The following COL11A2 variants were observed in gnomAD, a reference collection of about 807,000 sequenced individuals.
The protein encoded by COL11A2 is collagen type XI alpha 2 chain.
Under a neutral mutation model 273.4 loss-of-function variants are expected in COL11A2, and 116 were observed. That is an observed-to-expected ratio of 0.42 (90% confidence interval 0.36 to 0.49). The LOEUF (loss-of-function observed/expected upper bound fraction) is 0.49, where lower values mean the gene tolerates loss of function less well. COL11A2 is among the 20% of genes least tolerant of loss of function. COL11A2 has a pLI of 0.00. For synonymous variants in COL11A2, 782 were observed against 864.2 expected, an observed-to-expected ratio of 0.90 and a Z score of 1.67; for missense variants, 1,866 against 2,309.0, an observed-to-expected ratio of 0.81 and a Z score of 3.93.
rs144041807 is a variant in COL11A2 at position 33,185,700 on chromosome 6, C to A, written c.876+1G>T. On this transcript the variant is annotated splice_donor_variant, in intron 6 of 65. Coordinates refer to ENST00000341947, the MANE Select transcript of COL11A2 (RefSeq NM_080680.3). LOFTEE classifies it high-confidence loss of function. ...GAAATGAAGGGGTCCCTTGAGTTTA[C>A]CTGATAATCAGGGGTTGTCCCCGTA... 7.4e-7 allele frequency: 1 copy of A among 1,351,344 alleles called. No individual in the cohort carries two copies. The highest frequency in any genetic ancestry group is 1.5e-5 in the African/African-American group (1 of 67,138). The allele number at this position is 1,351,344 out of a possible 1,614,324, so 83.7% of individuals were successfully genotyped here. A position where few individuals can be genotyped will look rare whatever the true frequency, so the allele number is the denominator to read the frequency against.
Position 33,174,520 on chromosome 6 carries a change from G to T in COL11A2, c.2430+7C>A. The T allele has an allele frequency of 6.2e-7, 1 of 1,612,474 alleles. No homozygotes were observed. The highest frequency in any genetic ancestry group is 1.1e-5 in the South Asian group (1 of 90,856). ...GGAGGAGGGGCACGTATGGGGCATG[G>T]CATCACCTTGGGTCCCTGACGTCCA... On this transcript the variant is annotated splice_region_variant and intron_variant, in intron 31 of 65. Coordinates refer to ENST00000341947, the MANE Select transcript of COL11A2 (RefSeq NM_080680.3).
rs778416902 is a variant in COL11A2, at chr6:33,170,150, T to C, written c.3583-50A>G. On this transcript the variant is annotated intron_variant, in intron 48 of 65. Transcript: ENST00000341947. This position sits in a 1 kb window ranked among gnomAD's most constrained non-coding sequence, Gnocchi z 4.3. ...TCATTGCTTAGGATGGAGGTGCCATTTCAGGGGCAAAGTCCCAGATGAGCA... is the reference window on the plus strand; with the variant it reads ...TCATTGCTTAGGATGGAGGTGCCATCTCAGGGGCAAAGTCCCAGATGAGCA... 2 of 1,611,808 alleles carry C rather than the reference T, an allele frequency of 1.2e-6. No individual in the cohort carries two copies. The highest frequency in any genetic ancestry group is 1.1e-5 in the South Asian group (1 of 91,050).
At position 33,173,013 on chromosome 6, in the gene COL11A2, A is replaced by G. The variant is rs758720229; in HGVS notation, c.2790+47T>C. ...TGACCGAGAGAAGAGGGGCAGACAG[A>G]CTAATGCTAGGGTCAGGGGTCCATT... On this transcript the variant is annotated intron_variant, in intron 38 of 65. Transcript: ENST00000341947. The surrounding 1 kb of genome is among the most constrained non-coding windows in gnomAD (Gnocchi z 6.3). 3.1e-6 allele frequency: 5 copies of G among 1,588,880 alleles called. No individual in the cohort carries two copies.
intron 30 of COL11A2, chr6:33,175,358 C>A (rs1451034075): frequency 2.9e-6 from 2 of 685,898 alleles, no homozygotes; most frequent in African/African-American, 1.8e-5. Context: ...GCTTCGTCTC[C>A]GTCCAACTCT....
Position 33,165,795 on chromosome 6 carries a change from G to T in COL11A2, c.4504C>A (p.Gln1502Lys). 1 of 1,613,500 alleles carries T rather than the reference G, an allele frequency of 6.2e-7. No homozygotes were observed. The change falls in exon 63 of 66, where the codon CAG becomes AAG. Residue 1502 changes from glutamine to lysine, a missense_variant. By Grantham distance (53) the Gln-to-Lys change is moderately conservative (BLOSUM62 1). Coordinates refer to ENST00000341947, the MANE Select transcript of COL11A2 (RefSeq NM_080680.3). This position sits in a 1 kb window ranked among gnomAD's most constrained non-coding sequence, Gnocchi z 7.7. ...TTGGGCATCTGAATGGGCAGTGGCTGGATCACCTCGCCTGGGGGACCCTGG... is the reference window on the plus strand; with the variant it reads ...TTGGGCATCTGAATGGGCAGTGGCTTGATCACCTCGCCTGGGGGACCCTGG... ...GHPGPPGEVI[Q>K]PLPIQMPKKT... is the part of the protein sequence containing the mutation.
Position 33,164,727 on chromosome 6 carries a change from G to T in COL11A2, c.4863+125C>A. 1.2e-6 allele frequency: 1 copy of T among 810,958 alleles called. No homozygotes were observed. The highest frequency in any genetic ancestry group is 2.0e-6 in the Non-Finnish European group (1 of 496,378). 50.2% of individuals were successfully genotyped at this position (810,958 alleles called of 1,614,324 possible). On this transcript the variant is annotated intron_variant, in intron 64 of 65. Coordinates refer to ENST00000341947, the MANE Select transcript of COL11A2 (RefSeq NM_080680.3). This position sits in a 1 kb window ranked among gnomAD's most constrained non-coding sequence, Gnocchi z 4.7. ...GAAAAGAAGAAAGAGCTAAGAAGTGGAGAAGGGGTGGCAGGCTCCGGGGGG... is the reference window on the plus strand; with the variant it reads ...GAAAAGAAGAAAGAGCTAAGAAGTGTAGAAGGGGTGGCAGGCTCCGGGGGG...
In COL11A2 at chr6:33,192,246, A is replaced by G. The variant is rs1283757474; in HGVS notation, c.-6T>C. The G allele has an allele frequency of 1.3e-6, 2 of 1,554,984 alleles. No individual in the cohort carries two copies. Among genetic ancestry groups the G allele is most frequent in the Non-Finnish European group, 1.7e-6 (2 of 1,149,618 alleles). On this transcript the variant is annotated 5_prime_UTR_variant, in exon 1 of 66. Coordinates refer to ENST00000341947, the MANE Select transcript of COL11A2 (RefSeq NM_080680.3). ...CAGCGGCTGCACCGCTCCATGGCTG[A>G]GAAGCCGAAACGCCGGGTCCCAGGG...
Position 33,178,834 on chromosome 6 carries a change from T to TGGA in COL11A2, c.1665+83_1665+85dup. On this transcript the variant is annotated intron_variant, in intron 17 of 65. Coordinates refer to ENST00000341947, the MANE Select transcript of COL11A2 (RefSeq NM_080680.3). This position sits in a 1 kb window ranked among gnomAD's most constrained non-coding sequence, Gnocchi z 4.6. ...GGGGGGTGCTGATCCTGGGGAAGCCTGGAGAACTAGGTCATCCCCAAGAAA... is the reference window on the plus strand; with the variant it reads ...GGGGGGTGCTGATCCTGGGGAAGCCTGGAGGAGAACTAGGTCATCCCCAAGAAA... The TGGA allele has an allele frequency of 6.2e-7, 1 of 1,607,036 alleles. No homozygotes were observed. The highest frequency in any genetic ancestry group is 8.5e-7 in the Non-Finnish European group (1 of 1,174,796).
At chr6:33,168,392 A>G in intron 54 of COL11A2, 127 bp downstream of exon 54, 1 of 968,222 alleles carries the variant, frequency 1.0e-6, no homozygotes, top group East Asian at 2.7e-5. Flanking sequence ...CAGCTCCTGC[A>G]CACACACACA....
intron 30 of COL11A2, 135 bp downstream of exon 30, chr6:33,175,439 A>T: frequency 1.3e-6 from 1 of 756,384 alleles, no homozygotes; most frequent in Non-Finnish European, 2.3e-6. Flanking sequence ...GATGCCATTT[A>T]CACAGACAGA....
In COL11A2 at chr6:33,173,867, A is replaced by G. The variant is rs1458552401; in HGVS notation, c.2583+6T>C. 2 of 1,613,992 alleles carry G rather than the reference A, an allele frequency of 1.2e-6. No homozygotes were observed. The highest frequency in any genetic ancestry group is 2.2e-5 in the East Asian group (1 of 44,882). On this transcript the variant is annotated splice_donor_region_variant and intron_variant, in intron 34 of 65. Transcript: ENST00000341947. The surrounding 1 kb of genome is among the most constrained non-coding windows in gnomAD (Gnocchi z 6.3). ...GGGCAGTTGGAGCCTTGTAGAGACC[A>G]TTCACCTTAGCTCCAGACTTCCCAG...
rs988830742 is a variant in COL11A2 at position 33,179,327 on chromosome 6, C to T, written c.1504-43G>A. On this transcript the variant is annotated intron_variant, in intron 14 of 65. Transcript: ENST00000341947. This position sits in a 1 kb window ranked among gnomAD's most constrained non-coding sequence, Gnocchi z 6.4. ...GGATGGCCGTAAGGAAGGACACAGCCAACAGTGGCCTCGGAGTGTTCCCCA... is the reference window on the plus strand; with the variant it reads ...GGATGGCCGTAAGGAAGGACACAGCTAACAGTGGCCTCGGAGTGTTCCCCA... 6.3e-6 allele frequency: 10 copies of T among 1,595,492 alleles called. No individual in the cohort carries two copies. The highest frequency in any genetic ancestry group is 8.5e-6 in the Non-Finnish European group (10 of 1,172,078).
intron 5 of COL11A2, among the ~76,000 whole-genome samples, 155 bp from the exon 6 acceptor site, chr6:33,185,933 G>T (rs1264185312): frequency 6.6e-6 from 1 of 151,716 alleles, no homozygotes; most frequent in African/African-American, 2.4e-5. Flanking sequence ...GAAAGGAGAG[G>T]TTGAGGGTCA....
In COL11A2 at chr6:33,166,676, C is replaced by CA; in HGVS notation, c.4338+43dup. The stretch of plus-strand genomic sequence containing the variant: ...ACTCCAACTCCACCCCTCTCCACCC[C>CA]ACTCTCAACCCCCACAACTTCCGGG... On this transcript the variant is annotated intron_variant, in intron 59 of 65. Transcript: ENST00000341947. This position sits in a 1 kb window ranked among gnomAD's most constrained non-coding sequence, Gnocchi z 4.8. 6.2e-7 allele frequency: 1 copy of CA among 1,612,682 alleles called. No homozygotes were observed. The highest frequency in any genetic ancestry group is 8.5e-7 in the Non-Finnish European group (1 of 1,178,838).
rs1009989757 is a variant in COL11A2, at chr6:33,167,341, G to C, written c.4123-24C>G. ...CCCTGAAGATTTGAGGGGGCCACAG[G>C]GGTCAGGAGGAGCATCCCCACACTG... is the stretch of plus-strand genomic sequence containing the variant. On this transcript the variant is annotated intron_variant, in intron 56 of 65. Coordinates refer to ENST00000341947, the MANE Select transcript of COL11A2 (RefSeq NM_080680.3). The surrounding 1 kb of genome is among the most constrained non-coding windows in gnomAD (Gnocchi z 6.1). 5 of 1,613,176 alleles carry C rather than the reference G, an allele frequency of 3.1e-6. No individual in the cohort carries two copies. The highest frequency in any genetic ancestry group is 4.2e-6 in the Non-Finnish European group (5 of 1,179,956).
At chr6:33,171,677 C>T in intron 42 of COL11A2, 36 bp downstream of exon 42, 1 of 1,604,000 alleles carries the variant, frequency 6.2e-7, no homozygotes, top group Middle Eastern at 1.7e-4. Context: ...TCACAGACCC[C>T]TCCCCAGTAC....
In COL11A2 at chr6:33,173,108, G is replaced by C; in HGVS notation, c.2742C>G (p.Phe914Leu). 6.2e-7 allele frequency: 1 copy of C among 1,611,878 alleles called. No individual in the cohort carries two copies. The highest frequency in any genetic ancestry group is 8.5e-7 in the Non-Finnish European group (1 of 1,179,560). The change falls in exon 38 of 66, where the codon TTC becomes TTG. Residue 914 changes from phenylalanine (F) to leucine (L), a missense_variant. Transcript: ENST00000341947. This position sits in a 1 kb window ranked among gnomAD's most constrained non-coding sequence, Gnocchi z 6.3. Reference sequence around the variant, plus strand: ...GACCAGGGGGGCCGGTCTTCCCTTGGAAACCCTAGGCGAGGAAGAGAGGAG... The same window carrying C: ...GACCAGGGGGGCCGGTCTTCCCTTGCAAACCCTAGGCGAGGAAGAGAGGAG... ...GHPGQRGEVG[F>L]QGKTGPPGPP...
chr6:33,181,816 C>T (rs535050837), intron 8 of COL11A2, among the ~76,000 whole-genome samples: 1 of 152,232 alleles, frequency 6.6e-6, no homozygotes, highest in South Asian at 2.1e-4. Context: ...ACCCACCTTC[C>T]CAAACCCTCT....
In COL11A2 at chr6:33,189,914, C is replaced by T. The variant is rs1772915686; in HGVS notation, c.83-445G>A. Among the ~76,000 whole-genome samples, 1 of 152,122 alleles carries T rather than the reference C, an allele frequency of 6.6e-6. No individual in the cohort carries two copies. The highest frequency in any genetic ancestry group is 1.5e-5 in the Non-Finnish European group (1 of 68,030). ...ACATTCTGTCCATCTTTTTCTCTCC[C>T]TCGCTCTCACTCTCTTTCCATATCT... is the stretch of plus-strand genomic sequence containing the variant. On this transcript the variant is annotated intron_variant, in intron 1 of 65. Transcript: ENST00000341947. The surrounding 1 kb of genome is among the most constrained non-coding windows in gnomAD (Gnocchi z 5.6).
Sources: gnomAD v4.1 joint callset for allele counts (sites outside exome capture counted in the v4.1 genomes callset) on GRCh38, gnomAD v4.1.1 for gene constraint, Gnocchi (gnomAD v3.1) non-coding constraint, MANE v1.5 for transcripts, NCBI Gene and HGNC (gene_info 2026-07-23, HGNC 2026-07-21) for gene names.